ADAM7: variants seen among roughly 807,000 people sequenced by gnomAD.
ADAM7 encodes disintegrin and metalloproteinase domain-containing protein 7.
ADAM7 carries 97 observed loss-of-function variants against 102.9 expected under a neutral mutation model. That is an observed-to-expected ratio of 0.94 (90% CI 0.80 to 1.12). ADAM7 has a LOEUF of 1.12. Ranked by LOEUF, ADAM7 falls within the 50% of genes most tolerant of loss-of-function variation. ADAM7 has a pLI of 0.00. For synonymous variants in ADAM7, 334 were observed against 304.4 expected (o/e 1.10, Z -1.01); for missense variants, 991 against 908.7 (o/e 1.09, Z -1.16).
chr8:24,486,115 T>C (rs907885803), intron 10 of ADAM7, among the ~76,000 whole-genome samples: 1 of 152,212 alleles, frequency 6.6e-6, no homozygotes, highest in Non-Finnish European at 1.5e-5. Flanking sequence ...TGTTAGATTA[T>C]TGCTACTCAT....
intron 8 of ADAM7, among the ~76,000 whole-genome samples, chr8:24,481,929 T>G (rs1819965465): frequency 1.3e-5 from 2 of 152,114 alleles, no homozygotes; most frequent in African/African-American, 4.8e-5. Context: ...CTGATCAAAT[T>G]TCACCATTGC....
chr8:24,442,726 G>A, intron 2 of ADAM7, 150 bp downstream of exon 2: 1 of 653,748 alleles, frequency 1.5e-6, no homozygotes, highest in Non-Finnish European at 2.7e-6. Context: ...TTGGGAATAA[G>A]CAACCCCTCA....
intron 11 of ADAM7, among the ~76,000 whole-genome samples, chr8:24,488,163 T>C (rs536633354): frequency 6.6e-6 from 1 of 152,318 alleles, no homozygotes; most frequent in East Asian, 1.9e-4. Flanking sequence ...TGCTGGAATA[T>C]AAGCTAGTCC....
chr8:24,468,495 G>A (rs1435438062), intron 6 of ADAM7, among the ~76,000 whole-genome samples: 4 of 149,930 alleles, frequency 2.7e-5, no homozygotes, highest in Admixed American at 2.0e-4. Flanking sequence ...CATGTACCTC[G>A]GAAATTAAAA....
At chr8:24,455,725 A>AT (rs944317389) in intron 3 of ADAM7, among the ~76,000 whole-genome samples, 4 of 152,128 alleles carry the variant, frequency 2.6e-5, no homozygotes, top group Non-Finnish European at 5.9e-5. Flanking sequence ...TTTACACTGA[A>AT]TTTTTTCTTT....
At chr8:24,447,885 G>A (rs1402010174) in intron 3 of ADAM7, among the ~76,000 whole-genome samples, 1 of 151,550 alleles carries the variant, frequency 6.6e-6, no homozygotes, top group Admixed American at 6.6e-5. Flanking sequence ...AAGAAAGAGT[G>A]ACACTACTGG....
Position 24,501,538 on chromosome 8 carries a change from A to G in ADAM7, c.2170A>G (p.Arg724Gly). Residue 724 changes from arginine (R) to glycine (G), a missense_variant, in exon 20 of 22, where the codon AGG (arginine) becomes GGG (glycine). Arg to Gly is a moderately radical substitution (Grantham distance 125, BLOSUM62 -2). Coordinates refer to ENST00000175238, the MANE Select transcript of ADAM7 (RefSeq NM_003817.4). ...KGYFGDEQQIRTEPILPEIHF... is the reference protein window; with the variant it reads ...KGYFGDEQQIGTEPILPEIHF... ...ATACTTTGGTGATGAGCAGCAGATA[A>G]GGACTGAGCCAATCCTGCCAGAAAT... is the stretch of plus-strand genomic sequence containing the variant. The G allele has an allele frequency of 6.2e-7, 1 of 1,608,004 alleles. No individual in the cohort carries two copies. Among genetic ancestry groups the G allele is most frequent in the Non-Finnish European group, 8.5e-7 (1 of 1,178,088 alleles).
intron 1 of ADAM7, 94 bp downstream of exon 1, chr8:24,441,254 T>A: frequency 1.6e-6 from 2 of 1,251,382 alleles, no homozygotes; most frequent in Non-Finnish European, 2.3e-6. Context: ...ATAAAAACAT[T>A]AAACGTTGAT....
At chr8:24,491,278 G>A (rs145938542) in intron 13 of ADAM7, among the ~76,000 whole-genome samples, 4 of 152,258 alleles carry the variant, frequency 2.6e-5, no homozygotes, top group African/African-American at 7.2e-5. Flanking sequence ...AAACGTTCCC[G>A]AGGAAGACAA....
At chr8:24,456,259 C>T (rs1463522571) in intron 3 of ADAM7, among the ~76,000 whole-genome samples, 1 of 152,148 alleles carries the variant, frequency 6.6e-6, no homozygotes, top group Non-Finnish European at 1.5e-5. Context: ...TTTCATTTGG[C>T]ATAATGTTCT....
At chr8:24,468,642 C>T in intron 6 of ADAM7, 125 bp from the exon 7 acceptor site, 2 of 750,252 alleles carry the variant, frequency 2.7e-6, no homozygotes, top group Admixed American at 2.5e-5. Flanking sequence ...TATTCATATG[C>T]CTCCCCATTT....
chr8:24,447,910 G>C (rs575727799), intron 3 of ADAM7, among the ~76,000 whole-genome samples: 86 of 147,138 alleles, frequency 5.8e-4, no homozygotes, highest in Middle Eastern at 3.6e-3. Flanking sequence ...TTGAGACTTT[G>C]GTCTATTAGC....
At chr8:24,454,056 C>A (rs1818906822) in intron 3 of ADAM7, among the ~76,000 whole-genome samples, 1 of 152,170 alleles carries the variant, frequency 6.6e-6, no homozygotes, top group Non-Finnish European at 1.5e-5. Context: ...GTCAGTCTGC[C>A]CCTACTGGGG....
Position 24,501,554 on chromosome 8 carries a change from T to A in ADAM7, c.2186T>A (p.Leu729Gln), listed in dbSNP as rs1429943089. 2 of 1,600,326 alleles carry A rather than the reference T, an allele frequency of 1.2e-6. No homozygotes were observed. Among genetic ancestry groups the A allele is most frequent in the African/African-American group, 2.7e-5 (2 of 73,934 alleles). The stretch of plus-strand genomic sequence containing the variant: ...CAGCAGATAAGGACTGAGCCAATCC[T>A]GCCAGAAATTCATTTCCTAAATGTA... Reference protein sequence around the residue: ...DEQQIRTEPILPEIHFLNKPA... With the variant: ...DEQQIRTEPIQPEIHFLNKPA... The change falls in exon 20 of 22, where the codon CTG becomes CAG. Residue 729 changes from leucine (L) to glutamine (Q), a missense_variant. Transcript: ENST00000175238.
intron 3 of ADAM7, among the ~76,000 whole-genome samples, chr8:24,454,255 G>T (rs1347335431): frequency 6.6e-6 from 1 of 152,248 alleles, no homozygotes; most frequent in Non-Finnish European, 1.5e-5. Flanking sequence ...TGCCCCCAGA[G>T]GTGGAGCCTA....
rs76346701 is a variant in ADAM7, at chr8:24,477,289, C to T, written c.705+785C>T. ...TAATATATTCTTTGAAAGAAAGTTA[C>T]TATGCACGGCTCACACTTCAGTGGA... is the stretch of plus-strand genomic sequence containing the variant. On this transcript the variant is annotated intron_variant, in intron 8 of 21. Coordinates refer to ENST00000175238, the MANE Select transcript of ADAM7 (RefSeq NM_003817.4). Among the ~76,000 whole-genome samples, 617 of 152,264 alleles carry T rather than the reference C, an allele frequency of 4.1e-3. 3 individuals carry two copies. The highest frequency in any genetic ancestry group is 6.6e-3 in the Non-Finnish European group (448 of 68,018).
At chr8:24,501,231 A>G (rs1820749258) in intron 19 of ADAM7, among the ~76,000 whole-genome samples, 1 of 152,160 alleles carries the variant, frequency 6.6e-6, no homozygotes, top group South Asian at 2.1e-4. Flanking sequence ...AATGTATCCC[A>G]TAGTTTGTTT....
intron 8 of ADAM7, among the ~76,000 whole-genome samples, chr8:24,478,734 T>C (rs1819851666): frequency 6.6e-6 from 1 of 152,212 alleles, no homozygotes; most frequent in Non-Finnish European, 1.5e-5. Flanking sequence ...TCTACGAGTT[T>C]AGTTTTGTCA....
At position 24,508,950 on chromosome 8, in the gene ADAM7, C is replaced by T. The variant is rs1052378821; in HGVS notation, c.*404C>T. 8 of 1,016,750 alleles carry T rather than the reference C, an allele frequency of 7.9e-6. No individual in the cohort carries two copies. The highest frequency in any genetic ancestry group is 4.9e-4 in the Middle Eastern group (1 of 2,050). 63.0% of individuals were successfully genotyped at this position (1,016,750 alleles called of 1,614,324 possible). ...TTACTTTTTTGGAAACATAAAAGTA[C>T]GTTTTAAAACTTGAACATGACATCA... On this transcript the variant is annotated 3_prime_UTR_variant, in exon 22 of 22. Transcript: ENST00000175238.
Sources: allele counts gnomAD v4.1 joint callset (sites outside exome capture counted in the v4.1 genomes callset), GRCh38; gene constraint gnomAD v4.1.1; transcripts MANE v1.5; gene names NCBI Gene and HGNC (gene_info 2026-07-23, HGNC 2026-07-21).